The following FAM135B variants were observed in gnomAD, a reference collection of about 807,000 sequenced individuals.
The protein encoded by FAM135B is protein FAM135B.
FAM135B carries 43 observed loss-of-function variants against 127.7 expected under a neutral mutation model. The observed-to-expected ratio is 0.34, with a 90% CI of 0.26 to 0.43. FAM135B has a LOEUF of 0.43. FAM135B is among the 20% of genes least tolerant of loss of function. The probability of loss-of-function intolerance (pLI) is 1.00; values close to 1 mark genes in which losing one functional copy is unlikely to be tolerated. For missense variants in FAM135B, 1,558 were observed against 1,725.6 expected (o/e 0.90, Z 1.72); for synonymous variants, 670 against 665.1 (o/e 1.01, Z -0.11).
At chr8:138,189,998 C>A (rs2131070697) in intron 9 of FAM135B, among the ~76,000 whole-genome samples, 1 of 152,246 alleles carries the variant, frequency 6.6e-6, no homozygotes, top group Non-Finnish European at 1.5e-5. Context: ...CTGCATGGAG[C>A]CCTTCCAGCA....
At chr8:138,229,364 G>T (rs1458038250) in intron 7 of FAM135B, among the ~76,000 whole-genome samples, 2 of 152,102 alleles carry the variant, frequency 1.3e-5, no homozygotes, top group African/African-American at 2.4e-5. Flanking sequence ...ACAGTCTCAA[G>T]ACTATAATAC....
intron 2 of FAM135B, among the ~76,000 whole-genome samples, chr8:138,345,001 A>G (rs1287202353): frequency 2.0e-5 from 3 of 152,198 alleles, no homozygotes; most frequent in African/African-American, 7.2e-5. Context: ...GCTCCGGAAG[A>G]GCAGGGACTG....
intron 1 of FAM135B, among the ~76,000 whole-genome samples, chr8:138,392,804 C>T (rs1368339195): frequency 1.3e-5 from 2 of 152,146 alleles, no homozygotes; most frequent in Non-Finnish European, 2.9e-5. Flanking sequence ...TTCTCTTCCT[C>T]CTGCCAGTCT....
intron 12 of FAM135B, among the ~76,000 whole-genome samples, chr8:138,162,681 T>C (rs1405485624): frequency 6.6e-6 from 1 of 152,146 alleles, no homozygotes; most frequent in East Asian, 1.9e-4. Flanking sequence ...ATGAGCTTCT[T>C]CAGAAAAGGT....
rs1586579766 is a variant in FAM135B, at chr8:138,141,798, T to A, written c.3639-449A>T. On this transcript the variant is annotated intron_variant, in intron 16 of 19. Transcript: ENST00000395297. This position sits in a 1 kb window ranked among gnomAD's most constrained non-coding sequence, Gnocchi z 4.7. ...CTCTCCTTCACCCGCTGTGTATATATTGAACCACCTGCTCACAGCCCATGC... is the reference window on the plus strand; with the variant it reads ...CTCTCCTTCACCCGCTGTGTATATAATGAACCACCTGCTCACAGCCCATGC... Among the ~76,000 whole-genome samples the A allele has an allele frequency of 6.6e-6, 1 of 152,188 alleles. No individual in the cohort carries two copies. Among genetic ancestry groups the A allele is most frequent in the South Asian group, 2.1e-4 (1 of 4,830 alleles).
rs1820729547 is a variant in FAM135B, at chr8:138,241,076, A to G, written c.669+1866T>C. 2.6e-5 allele frequency among the ~76,000 whole-genome samples: 4 copies of G among 151,972 alleles called. No individual in the cohort carries two copies. Among genetic ancestry groups the G allele is most frequent in the Admixed American group, 6.5e-5 (1 of 15,268 alleles). On this transcript the variant is annotated intron_variant, in intron 7 of 19. Transcript: ENST00000395297. This position sits in a 1 kb window ranked among gnomAD's most constrained non-coding sequence, Gnocchi z 4.8. ...GCCCACGTGGGGGCTGAAGGAAGGA[A>G]GACTGGACATAGGGAGAAGCTGAAC... is the stretch of plus-strand genomic sequence containing the variant.
intron 13 of FAM135B, among the ~76,000 whole-genome samples, chr8:138,149,725 C>A (rs1318253674): frequency 1.3e-5 from 2 of 152,112 alleles, no homozygotes; most frequent in African/African-American, 4.8e-5. Context: ...CTCTAGGAAG[C>A]TTTGCCTGGC....
At chr8:138,469,202 AGAAAGAAAG>A (rs1362676371) in intron 1 of FAM135B, among the ~76,000 whole-genome samples, 4 of 151,782 alleles carry the variant, frequency 2.6e-5, no homozygotes, top group African/African-American at 4.9e-5. Flanking sequence ...TTAAAGTTTC[AGAAAGAAAG>A]GAAAGAAAGA....
chr8:138,268,879 G>C (rs1396126741), intron 3 of FAM135B, among the ~76,000 whole-genome samples: 1 of 152,106 alleles, frequency 6.6e-6, no homozygotes, highest in Admixed American at 6.6e-5. Flanking sequence ...CTACATATCT[G>C]TCTTCTTCTT....
At chr8:138,140,755 A>G (rs984338976) in intron 17 of FAM135B, among the ~76,000 whole-genome samples, 2 of 152,168 alleles carry the variant, frequency 1.3e-5, no homozygotes, top group Non-Finnish European at 2.9e-5. Flanking sequence ...ACACAAACAC[A>G]GATACACACA....
chr8:138,268,681 TCAGCACCCAGAGA>T (rs1415025677), intron 3 of FAM135B, among the ~76,000 whole-genome samples: 21 of 152,300 alleles, frequency 1.4e-4, no homozygotes, highest in African/African-American at 4.8e-4. Context: ...GCTGGTGAAA[TCAGCACCCAGAGA>T]CAGCAAAAGT....
chr8:138,223,388 G>A (rs1340058850), intron 7 of FAM135B, among the ~76,000 whole-genome samples: 1 of 152,186 alleles, frequency 6.6e-6, no homozygotes. Context: ...TGATAGGAGT[G>A]AGCAAAAAGA....
intron 1 of FAM135B, among the ~76,000 whole-genome samples, chr8:138,495,038 G>A (rs576278426): frequency 7.5e-4 from 114 of 152,296 alleles, no homozygotes; most frequent in Non-Finnish European, 1.2e-3. Flanking sequence ...TCCACTGTGA[G>A]TCACTGACTA....
At chr8:138,257,719 G>A (rs2130555468) in intron 4 of FAM135B, among the ~76,000 whole-genome samples, 1 of 152,130 alleles carries the variant, frequency 6.6e-6, no homozygotes, top group South Asian at 2.1e-4. Context: ...AATTTTGGAG[G>A]CAGTGTTACA....
At chr8:138,192,652 T>A (rs970836737) in intron 9 of FAM135B, among the ~76,000 whole-genome samples, 12 of 152,100 alleles carry the variant, frequency 7.9e-5, no homozygotes, top group Non-Finnish European at 1.5e-4. Flanking sequence ...AAGAGGACAG[T>A]TGGACTCATC....
intron 3 of FAM135B, among the ~76,000 whole-genome samples, chr8:138,272,575 G>T (rs1823465228): frequency 1.3e-5 from 2 of 152,110 alleles, no homozygotes; most frequent in African/African-American, 4.8e-5. Flanking sequence ...ACACTGAGTG[G>T]GCTTAATTAC....
At chr8:138,183,555 C>T (rs1419663835) in intron 9 of FAM135B, among the ~76,000 whole-genome samples, 2 of 152,202 alleles carry the variant, frequency 1.3e-5, no homozygotes, top group Admixed American at 6.5e-5. Flanking sequence ...TTGCATGTAT[C>T]AGACTCTTTA....
At chr8:138,228,641 G>C (rs2130171324) in intron 7 of FAM135B, among the ~76,000 whole-genome samples, 1 of 152,192 alleles carries the variant, frequency 6.6e-6, no homozygotes, top group South Asian at 2.1e-4. Flanking sequence ...CGGCTTACTG[G>C]GAGTGTATGT....
At chr8:138,262,815 T>A (rs2130603180) in intron 4 of FAM135B, among the ~76,000 whole-genome samples, 1 of 142,180 alleles carries the variant, frequency 7.0e-6, no homozygotes, top group South Asian at 2.3e-4. Context: ...GACAGGAGAA[T>A]CACTTGAACC....
Sources: gnomAD v4.1 joint callset for allele counts (sites outside exome capture counted in the v4.1 genomes callset) on GRCh38, gnomAD v4.1.1 for gene constraint, Gnocchi (gnomAD v3.1) non-coding constraint, MANE v1.5 for transcripts, NCBI Gene and HGNC (gene_info 2026-07-23, HGNC 2026-07-21) for gene names.